Variants in FAM13B observed in about 807,000 individuals in gnomAD.
FAM13B encodes protein FAM13B.
Under a neutral mutation model 117.3 loss-of-function variants are expected in FAM13B, and 60 were observed. The observed-to-expected ratio is 0.51, with a 90% confidence interval of 0.42 to 0.63. FAM13B has a LOEUF of 0.63. Among genes scored for constraint, FAM13B ranks in the 30% least tolerant of loss-of-function variants. FAM13B has a pLI of 0.00. For synonymous variants in FAM13B, 332 were observed against 356.1 expected (o/e 0.93, Z 0.76); for missense variants, 972 against 1,091.9 (o/e 0.89, Z 1.55).
chr5:137,941,031 G>C (rs146162274), intron 23 of FAM13B, among the ~76,000 whole-genome samples: 1 of 152,038 alleles, frequency 6.6e-6, no homozygotes, highest in South Asian at 2.1e-4. Flanking sequence ...TCAGCCTCTA[G>C]AGTAGCTGGA....
intron 1 of FAM13B, among the ~76,000 whole-genome samples, chr5:138,025,651 T>A (rs1416394412): frequency 1.3e-5 from 2 of 152,060 alleles, no homozygotes; most frequent in South Asian, 2.1e-4. Flanking sequence ...CACACACCCC[T>A]TTTTCCCCCC....
intron 17 of FAM13B, among the ~76,000 whole-genome samples, chr5:137,949,984 C>CA (rs550280956): frequency 4.0e-5 from 6 of 151,684 alleles, no homozygotes; most frequent in Non-Finnish European, 7.4e-5. Flanking sequence ...AAAACAACAA[C>CA]AAAAAAAGAG....
rs1231850825 is a variant in FAM13B, at chr5:138,047,818, GCAAA to G, written c.-203+4056_-203+4059del. On this transcript the variant is annotated intron_variant, in intron 1 of 3. Transcript: ENST00000502471. The stretch of plus-strand genomic sequence containing the variant: ...CACCTCTAGAAGCTAGGAAAGGCAA[GCAAA>G]CAGATTCTTTCCTATAGACCCCTAG... 5.3e-5 allele frequency among the ~76,000 whole-genome samples: 8 copies of G among 152,340 alleles called. No homozygotes were observed. In the East Asian group the frequency reaches 1.3e-3, roughly 26 times the overall value.
At chr5:138,002,882 G>A (rs1211954941) in intron 7 of FAM13B, among the ~76,000 whole-genome samples, 1 of 149,178 alleles carries the variant, frequency 6.7e-6, no homozygotes, top group Non-Finnish European at 1.5e-5. Context: ...CACCATGTTA[G>A]CCAGGATGGT....
chr5:138,005,624 GA>G (rs1472478035), intron 7 of FAM13B, among the ~76,000 whole-genome samples: 11 of 151,762 alleles, frequency 7.2e-5, no homozygotes, highest in Non-Finnish European at 1.5e-4. Flanking sequence ...AAATAAATTA[GA>G]AGGTCATGTA....
chr5:137,951,960 G>A (rs1561739388), intron 17 of FAM13B, among the ~76,000 whole-genome samples: 1 of 152,116 alleles, frequency 6.6e-6, no homozygotes, highest in Non-Finnish European at 1.5e-5. Context: ...CTGGACAACA[G>A]AGTGAGACTC....
chr5:137,949,211 A>C, intron 17 of FAM13B, 27 bp from the exon 18 acceptor site: 3 of 1,578,448 alleles, frequency 1.9e-6, no homozygotes, highest in Non-Finnish European at 2.6e-6. Context: ...AGGACAGATC[A>C]GTAATAATTG....
At chr5:138,050,637 G>C (rs775300555) in intron 1 of FAM13B, among the ~76,000 whole-genome samples, 37 of 152,104 alleles carry the variant, frequency 2.4e-4, no homozygotes, top group Non-Finnish European at 4.9e-4. Context: ...GAGGACCTTG[G>C]ATAGGACAAG....
At chr5:138,044,493 A>G (rs1303346795) in intron 1 of FAM13B, among the ~76,000 whole-genome samples, 1 of 150,760 alleles carries the variant, frequency 6.6e-6, no homozygotes, top group East Asian at 2.0e-4. Context: ...CGGAGGTTGC[A>G]GTGACCCAAG....
intron 1 of FAM13B, among the ~76,000 whole-genome samples, chr5:138,043,136 C>G (rs1326332563): frequency 6.6e-6 from 1 of 152,040 alleles, no homozygotes; most frequent in African/African-American, 2.4e-5. Flanking sequence ...ACCAGGCCAG[C>G]AAGAATCACT....
At chr5:138,028,856 A>C (rs547095355) in intron 1 of FAM13B, among the ~76,000 whole-genome samples, 1 of 152,262 alleles carries the variant, frequency 6.6e-6, no homozygotes, top group African/African-American at 2.4e-5. Flanking sequence ...CCATCGCTAC[A>C]AGAAATACAA....
intron 1 of FAM13B, among the ~76,000 whole-genome samples, chr5:138,046,060 C>CG (rs1347218098): frequency 6.6e-6 from 1 of 152,100 alleles, no homozygotes; most frequent in Non-Finnish European, 1.5e-5. Flanking sequence ...AATTGAATCA[C>CG]GGGGGCAAGT....
Position 138,032,969 on chromosome 5 carries a change from A to G in FAM13B, c.-390T>C. ...GCCAGCCCGGTAAGCGACCCCCCGG[A>G]TACCCCCGGCGGTGGTGGCGACGCA... On this transcript the variant is annotated 5_prime_UTR_variant, in exon 1 of 24. Coordinates refer to ENST00000689681, the MANE Select transcript of FAM13B (RefSeq NM_001385994.1). 1.0e-6 allele frequency: 1 copy of G among 986,358 alleles called. No homozygotes were observed. Among genetic ancestry groups the G allele is most frequent in the Non-Finnish European group, 1.2e-6 (1 of 830,626 alleles). 61.1% of individuals were successfully genotyped at this position (986,358 alleles called of 1,614,324 possible).
chr5:137,987,996 T>C (rs896722721), intron 8 of FAM13B, among the ~76,000 whole-genome samples: 2 of 152,212 alleles, frequency 1.3e-5, no homozygotes, highest in African/African-American at 4.8e-5. Flanking sequence ...TCACACTTCT[T>C]ATGTAAAGTC....
chr5:137,973,364 T>G (rs1240029519), intron 10 of FAM13B, among the ~76,000 whole-genome samples: 3 of 151,638 alleles, frequency 2.0e-5, no homozygotes, highest in South Asian at 4.2e-4. Context: ...GGGGAAAGGA[T>G]TCCCTATTTA....
At chr5:137,966,488 T>TATATATATATATATATATAGAGAGAGAG (rs1461425784) in intron 10 of FAM13B, among the ~76,000 whole-genome samples, 2 of 29,484 alleles carry the variant, frequency 6.8e-5, no homozygotes, top group Non-Finnish European at 1.2e-4. Flanking sequence ...TATATATATA[T>TATATATATATATATATATAGAGAGAGAG]AGAGAGAGAG....
intron 9 of FAM13B, among the ~76,000 whole-genome samples, chr5:137,986,897 T>C (rs1777375342): frequency 6.6e-6 from 1 of 152,206 alleles, no homozygotes; most frequent in Non-Finnish European, 1.5e-5. Context: ...GAGTATCATG[T>C]CAGTGCTCAA....
At chr5:137,970,234 G>A (rs1286337953) in intron 10 of FAM13B, among the ~76,000 whole-genome samples, 1 of 151,880 alleles carries the variant, frequency 6.6e-6, no homozygotes, top group African/African-American at 2.4e-5. Context: ...CCCTCAAAGG[G>A]AAGCCCATCA....
intron 10 of FAM13B, among the ~76,000 whole-genome samples, chr5:137,973,082 T>C (rs1180609755): frequency 4.6e-5 from 7 of 152,150 alleles, no homozygotes; most frequent in Admixed American, 4.6e-4. Context: ...TACCAATGAC[T>C]TTCTTCACAG....
Sources: allele counts gnomAD v4.1 joint callset (sites outside exome capture counted in the v4.1 genomes callset), GRCh38; gene constraint gnomAD v4.1.1; transcripts MANE v1.5; gene names NCBI Gene and HGNC (gene_info 2026-07-23, HGNC 2026-07-21).